Variants in EXOC4 observed in about 807,000 individuals in gnomAD.
EXOC4 encodes SEC8-like 1.
EXOC4 carries 71 observed loss-of-function variants against 107.2 expected under a neutral mutation model. The ratio of observed to expected loss-of-function variants is 0.66; its 90% CI spans 0.55 to 0.81. The LOEUF is 0.81. Ranked by LOEUF, EXOC4 falls within the 30% of genes least tolerant of loss-of-function variation. EXOC4 has a pLI of 0.00. For synonymous variants in EXOC4, 456 were observed against 441.2 expected (o/e 1.03, Z -0.42); for missense variants, 1,108 against 1,189.6 (o/e 0.93, Z 1.01).
intron 10 of EXOC4, among the ~76,000 whole-genome samples, chr7:133,677,074 T>C (rs1181976178): frequency 6.6e-6 from 1 of 151,966 alleles, no homozygotes; most frequent in East Asian, 1.9e-4. Flanking sequence ...TGTCTTATCC[T>C]TACAAGGTAT....
intron 12 of EXOC4, among the ~76,000 whole-genome samples, chr7:133,908,481 A>G (rs1236881949): frequency 6.6e-6 from 1 of 152,246 alleles, no homozygotes; most frequent in African/African-American, 2.4e-5. Context: ...CACATGCTTT[A>G]GAGAGACAGT....
At chr7:133,347,700 A>T (rs1795816725) in intron 5 of EXOC4, among the ~76,000 whole-genome samples, 1 of 152,154 alleles carries the variant, frequency 6.6e-6, no homozygotes, top group African/African-American at 2.4e-5. Flanking sequence ...ATAGCCATTT[A>T]GACATACATA....
At chr7:133,957,669 A>G (rs1407284015) in intron 14 of EXOC4, among the ~76,000 whole-genome samples, 7 of 152,214 alleles carry the variant, frequency 4.6e-5, no homozygotes, top group African/African-American at 1.7e-4. Flanking sequence ...ATACATCATG[A>G]AACAACAAAA....
chr7:134,033,667 C>T (rs1314605230), intron 17 of EXOC4, among the ~76,000 whole-genome samples: 1 of 152,048 alleles, frequency 6.6e-6, no homozygotes, highest in Non-Finnish European at 1.5e-5. Flanking sequence ...AGGAAGGGCC[C>T]AAGTCTTCAT....
intron 7 of EXOC4, among the ~76,000 whole-genome samples, chr7:133,457,478 T>C (rs1798489636): frequency 6.6e-6 from 1 of 152,170 alleles, no homozygotes; most frequent in Non-Finnish European, 1.5e-5. Context: ...AGTATATAGC[T>C]CAGCACACCC....
intron 9 of EXOC4, among the ~76,000 whole-genome samples, chr7:133,587,780 A>T (rs2150974306): frequency 6.6e-6 from 1 of 152,228 alleles, no homozygotes; most frequent in Non-Finnish European, 1.5e-5. Flanking sequence ...TTTTTTCCAA[A>T]GAAGTTATCC....
At chr7:133,277,706 G>A (rs1012496455) in intron 2 of EXOC4, among the ~76,000 whole-genome samples, 1 of 152,170 alleles carries the variant, frequency 6.6e-6, no homozygotes, top group Non-Finnish European at 1.5e-5. Flanking sequence ...ATTGGGTAGA[G>A]AAATAAAGGG....
chr7:133,308,547 T>C (rs1794803331), intron 4 of EXOC4, among the ~76,000 whole-genome samples: 1 of 152,300 alleles, frequency 6.6e-6, no homozygotes, highest in South Asian at 2.1e-4. Context: ...AAAGTAAATT[T>C]CTGTTGTCTA....
At position 133,801,250 on chromosome 7, in the gene EXOC4, A is replaced by G. The variant is rs974991645; in HGVS notation, c.1515-16075A>G. ...CACTAATGGTCTCTTTTTATTCAGC[A>G]TGCTATTGAGGATTTTCCTGATACC... is the stretch of plus-strand genomic sequence containing the variant. On this transcript the variant is annotated intron_variant, in intron 10 of 17. Transcript: ENST00000253861. Among the ~76,000 whole-genome samples, 4 of 152,122 alleles carry G rather than the reference A, an allele frequency of 2.6e-5. No homozygotes were observed. In the South Asian group the frequency reaches 8.3e-4, roughly 32 times the overall value.
At chr7:133,719,374 G>A in intron 10 of EXOC4, among the ~76,000 whole-genome samples, 1 of 152,126 alleles carries the variant, frequency 6.6e-6, no homozygotes, top group East Asian at 1.9e-4. Flanking sequence ...ACACATAGAA[G>A]AATTTTTAGG....
chr7:134,034,133 A>G (rs557800631), intron 17 of EXOC4, among the ~76,000 whole-genome samples: 42 of 152,206 alleles, frequency 2.8e-4, no homozygotes, highest in Non-Finnish European at 5.7e-4. Flanking sequence ...AGGCTTAGAG[A>G]GGAACCAGTC....
intron 9 of EXOC4, chr7:133,480,348 T>A (rs1799125017): frequency 7.3e-7 from 1 of 1,374,742 alleles, no homozygotes; most frequent in South Asian, 1.6e-5. Flanking sequence ...CCTGCTACTG[T>A]TCAAGTGGGA....
At chr7:133,574,998 T>G (rs1801098531) in intron 9 of EXOC4, among the ~76,000 whole-genome samples, 1 of 152,234 alleles carries the variant, frequency 6.6e-6, no homozygotes, top group Non-Finnish European at 1.5e-5. Flanking sequence ...TCTGTATTGG[T>G]GATGTGCTCC....
intron 10 of EXOC4, among the ~76,000 whole-genome samples, chr7:133,652,785 CTCA>C (rs1466553503): frequency 6.6e-6 from 1 of 152,160 alleles, no homozygotes; most frequent in South Asian, 2.1e-4. Context: ...ATTCCAAACT[CTCA>C]TCATCATCAT....
intron 10 of EXOC4, chr7:133,733,185 C>A (rs1227605492): frequency 6.3e-6 from 1 of 158,060 alleles, no homozygotes; most frequent in Non-Finnish European, 1.4e-5. Context: ...TCACATCACA[C>A]TAGTCGGTCT....
the EXOC4 span, among the ~76,000 whole-genome samples, chr7:134,093,549 TAAACTC>T: frequency 1.3e-5 from 2 of 152,114 alleles, no homozygotes; most frequent in Non-Finnish European, 2.9e-5. Context: ...ATCCTGGACT[TAAACTC>T]AACACTTCAC....
chr7:133,622,473 C>T (rs974110492), intron 9 of EXOC4, among the ~76,000 whole-genome samples: 5 of 152,050 alleles, frequency 3.3e-5, no homozygotes, highest in African/African-American at 7.2e-5. Context: ...TCATCATAGC[C>T]GCTACTAGTC....
intron 9 of EXOC4, chr7:133,484,190 T>A: frequency 1.9e-6 from 3 of 1,546,004 alleles, no homozygotes; most frequent in African/African-American, 2.8e-5. Flanking sequence ...ATAAAAGGAT[T>A]AAAAAAATGA....
At chr7:134,093,143 G>T in the EXOC4 span, among the ~76,000 whole-genome samples, 2 of 151,906 alleles carry the variant, frequency 1.3e-5, no homozygotes, top group Non-Finnish European at 2.9e-5. Flanking sequence ...AAAAAAACAA[G>T]ACCCTTCCTT....
Sources: gnomAD v4.1 joint callset for allele counts (sites outside exome capture counted in the v4.1 genomes callset) on GRCh38, gnomAD v4.1.1 for gene constraint, MANE v1.5 for transcripts, NCBI Gene and HGNC (gene_info 2026-07-23, HGNC 2026-07-21) for gene names.